The following PARD3 variants were observed in gnomAD, a reference collection of about 807,000 sequenced individuals.
PARD3 encodes the protein partitioning defective 3 homolog.
PARD3 carries 75 observed loss-of-function variants against 155.4 expected under a neutral mutation model. The ratio of observed to expected loss-of-function variants is 0.48; its 90% confidence interval spans 0.40 to 0.58. The LOEUF (loss-of-function observed/expected upper bound fraction) is 0.58. PARD3 is among the 20% of genes least tolerant of loss of function. The pLI is 0.00. For synonymous variants in PARD3, 576 were observed against 610.5 expected (o/e 0.94, Z 0.83); for missense variants, 1,642 against 1,721.7 (o/e 0.95, Z 0.82).
chr10:34,769,665 G>A (rs1223079986), intron 1 of PARD3, among the ~76,000 whole-genome samples: 1 of 151,704 alleles, frequency 6.6e-6, no homozygotes, highest in African/African-American at 2.4e-5. Flanking sequence ...GGCTGAAGTG[G>A]GAGGATCACT....
rs191628593 is a variant in PARD3 at position 34,700,754 on chromosome 10, C to A, written c.121-4335G>T. Among the ~76,000 whole-genome samples, 164 of 152,206 alleles carry A rather than the reference C, an allele frequency of 1.1e-3. 2 individuals carry two copies. Among genetic ancestry groups the A allele is most frequent in the Admixed American group, 3.3e-3 (51 of 15,284 alleles). The stretch of plus-strand genomic sequence containing the variant: ...TGGGAGGCTGAGGCAGGTGGGTCAC[C>A]TGAGGTCAGGAGTTAGAGACCAGCC... On this transcript the variant is annotated intron_variant, in intron 1 of 24. Transcript: ENST00000374788.
chr10:34,631,789 G>C (rs1442099575), intron 2 of PARD3, among the ~76,000 whole-genome samples: 1 of 152,118 alleles, frequency 6.6e-6, no homozygotes, highest in Non-Finnish European at 1.5e-5. Context: ...GTAAAAACGA[G>C]GTCTTACCAT....
At chr10:34,652,258 A>C (rs1244196040) in intron 2 of PARD3, among the ~76,000 whole-genome samples, 1 of 152,226 alleles carries the variant, frequency 6.6e-6, no homozygotes, top group Non-Finnish European at 1.5e-5. Flanking sequence ...ATTTTGGGAC[A>C]GGTTAACTAC....
intron 7 of PARD3, among the ~76,000 whole-genome samples, chr10:34,394,792 C>T (rs781708028): frequency 6.6e-6 from 1 of 152,062 alleles, no homozygotes; most frequent in Non-Finnish European, 1.5e-5. Context: ...GTATCATTAC[C>T]GTTTCTTTGT....
At chr10:34,111,598 GGAA>G (rs780654451) in intron 24 of PARD3, 36 bp from the exon 25 acceptor site, 29 of 1,538,842 alleles carry the variant, frequency 1.9e-5, no homozygotes, top group Middle Eastern at 2.0e-4. Flanking sequence ...TGTGAGGGTA[GGAA>G]GAAGGAGGGA....
intron 7 of PARD3, among the ~76,000 whole-genome samples, chr10:34,394,683 A>G (rs1843155864): frequency 6.6e-6 from 1 of 152,148 alleles, no homozygotes; most frequent in Non-Finnish European, 1.5e-5. Context: ...ACACAATTTT[A>G]TATGTTGCTT....
At chr10:34,517,225 C>A in intron 2 of PARD3, 66 bp from the exon 3 acceptor site, 1 of 1,453,932 alleles carries the variant, frequency 6.9e-7, no homozygotes, top group Non-Finnish European at 9.4e-7. Flanking sequence ...AAATTTTGTA[C>A]TATTTTGACA....
At chr10:34,283,928 C>T (rs1956267773) in intron 21 of PARD3, among the ~76,000 whole-genome samples, 2 of 150,556 alleles carry the variant, frequency 1.3e-5, no homozygotes, top group African/African-American at 4.9e-5. Flanking sequence ...AATTAAAATC[C>T]ACTTTGATGT....
Position 34,663,251 on chromosome 10 carries a change from C to T in PARD3, c.222+33067G>A, listed in dbSNP as rs1218053045. ...GGCCAGGGCGGGTAGATTGCCTGAG[C>T]TCAGGAGTTCAAGACCAGCCCGGGC... On this transcript the variant is annotated intron_variant, in intron 2 of 24. Transcript: ENST00000374788. Among the ~76,000 whole-genome samples the T allele has an allele frequency of 2.0e-5, 3 of 152,014 alleles. No individual in the cohort carries two copies. The South Asian group carries it at 6.2e-4, about 32-fold the overall frequency.
chr10:34,223,601 A>G (rs1396724485), intron 22 of PARD3, among the ~76,000 whole-genome samples: 3 of 152,226 alleles, frequency 2.0e-5, no homozygotes, highest in Non-Finnish European at 1.5e-5. Context: ...CAAGAACTCT[A>G]AAGGATAAAA....
chr10:34,674,958 A>G (rs2093677582), intron 2 of PARD3, among the ~76,000 whole-genome samples: 1 of 152,206 alleles, frequency 6.6e-6, no homozygotes, highest in Non-Finnish European at 1.5e-5. Context: ...TCACACATGT[A>G]TATGCACGTA....
intron 3 of PARD3, among the ~76,000 whole-genome samples, chr10:34,473,775 T>G (rs2078517867): frequency 6.6e-6 from 1 of 152,354 alleles, no homozygotes; most frequent in East Asian, 1.9e-4. Flanking sequence ...TCCCAGTTAC[T>G]ACTCCTTTCC....
intron 1 of PARD3, among the ~76,000 whole-genome samples, chr10:34,777,466 G>A (rs1035149384): frequency 1.3e-4 from 20 of 152,054 alleles, no homozygotes; most frequent in African/African-American, 3.1e-4. Flanking sequence ...CTCTCTCCCC[G>A]CACAGGGGGC....
At chr10:34,643,694 T>C (rs2092750855) in intron 2 of PARD3, among the ~76,000 whole-genome samples, 1 of 152,120 alleles carries the variant, frequency 6.6e-6, no homozygotes, top group Non-Finnish European at 1.5e-5. Context: ...CTGGGGAGGA[T>C]CACCTGAGAC....
chr10:34,576,833 C>T (rs1327851826), intron 2 of PARD3, among the ~76,000 whole-genome samples: 1 of 152,218 alleles, frequency 6.6e-6, no homozygotes, highest in Non-Finnish European at 1.5e-5. Context: ...CACTGTATAG[C>T]TTCTCTGCAT....
rs1268182480 is a variant in PARD3, at chr10:34,686,335, T to C, written c.222+9983A>G. Among the ~76,000 whole-genome samples the C allele has an allele frequency of 2.6e-5, 4 of 152,238 alleles. No homozygotes were observed. The East Asian group carries it at 7.7e-4, about 29-fold the overall frequency. ...ACATACTCAAGTTGCTTTTAATATTTTGTATATTTTAATGTTAAAGGAAAC... is the reference window on the plus strand; with the variant it reads ...ACATACTCAAGTTGCTTTTAATATTCTGTATATTTTAATGTTAAAGGAAAC... On this transcript the variant is annotated intron_variant, in intron 2 of 24. Coordinates refer to ENST00000374788, the MANE Select transcript of PARD3 (RefSeq NM_001184785.2).
At position 34,277,545 on chromosome 10, in the gene PARD3, C is replaced by T. The variant is rs1033859048; in HGVS notation, c.3176+6590G>A. On this transcript the variant is annotated intron_variant, in intron 21 of 24. Transcript: ENST00000374788. Reference sequence around the variant, plus strand: ...AAAGTTGATTGAGAAGAAAGGACTTCCATATTCTAAATGAGCCCTGAAAAA... The same window carrying T: ...AAAGTTGATTGAGAAGAAAGGACTTTCATATTCTAAATGAGCCCTGAAAAA... 3.0e-4 allele frequency among the ~76,000 whole-genome samples: 45 copies of T among 152,066 alleles called. 1 individual carries two copies. The highest frequency in any genetic ancestry group is 2.7e-3 in the Admixed American group (41 of 15,256).
intron 5 of PARD3, among the ~76,000 whole-genome samples, chr10:34,412,350 A>T (rs1286178637): frequency 8.5e-5 from 13 of 152,160 alleles, no homozygotes; most frequent in Admixed American, 8.5e-4. Flanking sequence ...TGCTGATACA[A>T]GAGAATAACA....
At chr10:34,733,408 A>ATT (rs763436031) in intron 1 of PARD3, among the ~76,000 whole-genome samples, 1 of 152,218 alleles carries the variant, frequency 6.6e-6, no homozygotes, top group Non-Finnish European at 1.5e-5. Context: ...TTCCAATACA[A>ATT]ACATAATTCT....
Sources: allele counts gnomAD v4.1 joint callset (sites outside exome capture counted in the v4.1 genomes callset), GRCh38; gene constraint gnomAD v4.1.1; transcripts MANE v1.5; gene names NCBI Gene and HGNC (gene_info 2026-07-23, HGNC 2026-07-21).